The following BCL2L13 variants were observed in gnomAD, a reference collection of about 807,000 sequenced individuals.
The protein encoded by BCL2L13 is BCL2 like 13.
BCL2L13 carries 13 observed loss-of-function variants against 25.8 expected under a neutral mutation model. That is an observed-to-expected ratio of 0.50 (90% CI 0.33 to 0.80). The LOEUF is 0.80. Among genes scored for constraint, BCL2L13 ranks in the 30% least tolerant of loss-of-function variants. BCL2L13 has a pLI of 0.02. For synonymous variants in BCL2L13, 244 were observed against 230.3 expected (o/e 1.06, Z -0.54); for missense variants, 504 against 574.9 (o/e 0.88, Z 1.26).
chr22:17,689,803 A>T (rs912412484), intron 4 of BCL2L13, among the ~76,000 whole-genome samples: 2 of 148,236 alleles, frequency 1.3e-5, no homozygotes, highest in Admixed American at 6.9e-5. Context: ...AGATCCTGCC[A>T]CTGCACTGCA....
chr22:17,652,997 G>T (rs1014981544), intron 1 of BCL2L13, among the ~76,000 whole-genome samples: 1 of 151,982 alleles, frequency 6.6e-6, no homozygotes, highest in African/African-American at 2.4e-5. Flanking sequence ...CCCAGGAGGC[G>T]GAGCTTGCAG....
chr22:17,632,000 G>A (rs1048081554), intron 1 of BCL2L13, among the ~76,000 whole-genome samples: 2 of 151,946 alleles, frequency 1.3e-5, no homozygotes, highest in East Asian at 1.9e-4. Flanking sequence ...GATTACAGGC[G>A]TGAGCCACGG....
At chr22:17,718,775 T>C (rs180683102) in intron 6 of BCL2L13, among the ~76,000 whole-genome samples, 1 of 152,332 alleles carries the variant, frequency 6.6e-6, no homozygotes, top group African/African-American at 2.4e-5. Context: ...TAGGACACCT[T>C]GTTTATCTCC....
intron 2 of BCL2L13, among the ~76,000 whole-genome samples, chr22:17,679,583 T>C (rs1452385752): frequency 1.3e-5 from 2 of 151,900 alleles, no homozygotes; most frequent in Non-Finnish European, 2.9e-5. Context: ...TTGGCTCTTT[T>C]TATCCTAAAT....
chr22:17,691,680 G>C (rs1056406425), intron 4 of BCL2L13, among the ~76,000 whole-genome samples: 1 of 151,954 alleles, frequency 6.6e-6, no homozygotes, highest in Non-Finnish European at 1.5e-5. Context: ...TTCCAAATTT[G>C]ATACAGACTT....
chr22:17,661,135 C>G (rs1359546263), intron 2 of BCL2L13, among the ~76,000 whole-genome samples: 2 of 145,222 alleles, frequency 1.4e-5, no homozygotes, highest in African/African-American at 2.4e-5. Flanking sequence ...TTTTGTCACC[C>G]AGGTTAGAGT....
chr22:17,652,978 T>A (rs2146484338), intron 1 of BCL2L13, among the ~76,000 whole-genome samples: 1 of 151,952 alleles, frequency 6.6e-6, no homozygotes, highest in South Asian at 2.1e-4. Flanking sequence ...GGCAGGAGAA[T>A]GGCGTGAACC....
At chr22:17,646,615 G>A in intron 1 of BCL2L13, among the ~76,000 whole-genome samples, 1 of 149,246 alleles carries the variant, frequency 6.7e-6, no homozygotes, top group Non-Finnish European at 1.5e-5. Flanking sequence ...AAGAACACTT[G>A]TACTAACTTG....
chr22:17,711,023 C>T (rs2060742862), intron 6 of BCL2L13, among the ~76,000 whole-genome samples: 1 of 152,026 alleles, frequency 6.6e-6, no homozygotes, highest in Non-Finnish European at 1.5e-5. Context: ...AAAGAACGTT[C>T]TTCAATCTTT....
At chr22:17,640,721 C>T (rs1373687410) in intron 1 of BCL2L13, among the ~76,000 whole-genome samples, 1 of 150,548 alleles carries the variant, frequency 6.6e-6, no homozygotes, top group Non-Finnish European at 1.5e-5. Context: ...AAAAATTAGC[C>T]AGGCATAGGT....
chr22:17,688,201 C>T (rs2060002169), intron 3 of BCL2L13, among the ~76,000 whole-genome samples: 1 of 152,360 alleles, frequency 6.6e-6, no homozygotes, highest in Admixed American at 6.5e-5. Flanking sequence ...AAACCATCTG[C>T]ACACCTCAGC....
intron 2 of BCL2L13, among the ~76,000 whole-genome samples, chr22:17,664,481 A>G (rs913197652): frequency 6.6e-6 from 1 of 152,136 alleles, no homozygotes; most frequent in Non-Finnish European, 1.5e-5. Context: ...GCACAGTGCA[A>G]GCTGTCAGTG....
At chr22:17,646,800 G>T (rs2058489911) in intron 1 of BCL2L13, among the ~76,000 whole-genome samples, 2 of 132,854 alleles carry the variant, frequency 1.5e-5, no homozygotes, top group South Asian at 5.0e-4. Flanking sequence ...GCTCACTGCA[G>T]CCTCTGCCTC....
chr22:17,690,537 T>C (rs1048027721), intron 4 of BCL2L13, among the ~76,000 whole-genome samples: 18 of 152,102 alleles, frequency 1.2e-4, no homozygotes, highest in Middle Eastern at 3.4e-3. Context: ...GGCGGGAGGA[T>C]TGCTTGAGGC....
chr22:17,699,304 CTG>C (rs2060361715), intron 5 of BCL2L13, among the ~76,000 whole-genome samples: 1 of 152,148 alleles, frequency 6.6e-6, no homozygotes, highest in African/African-American at 2.4e-5. Flanking sequence ...AAATATGTCA[CTG>C]TTATCATAAA....
chr22:17,730,233 T>C lies in BCL2L13; in HGVS notation c.*2699T>C, dbSNP rs932247902. ...CACAGAAATCAGTCAGTACCTGCGGTGTGCCTTAAGGGGACTCTCATGATC... is the reference window on the plus strand; with the variant it reads ...CACAGAAATCAGTCAGTACCTGCGGCGTGCCTTAAGGGGACTCTCATGATC... On this transcript the variant is annotated 3_prime_UTR_variant, in exon 7 of 7. Coordinates refer to ENST00000317582, the MANE Select transcript of BCL2L13 (RefSeq NM_015367.4). 6.6e-6 allele frequency: 1 copy of C among 152,178 alleles called. No individual in the cohort carries two copies. Among genetic ancestry groups the C allele is most frequent in the Non-Finnish European group, 1.5e-5 (1 of 68,040 alleles). 9.4% of individuals were successfully genotyped at this position (152,178 alleles called of 1,614,324 possible). A position where few individuals can be genotyped will look rare whatever the true frequency, so the allele number is the denominator to read the frequency against.
At chr22:17,693,640 A>G (rs1285114844) in intron 4 of BCL2L13, among the ~76,000 whole-genome samples, 2 of 152,082 alleles carry the variant, frequency 1.3e-5, no homozygotes, top group Non-Finnish European at 2.9e-5. Context: ...TCAGCCTCCC[A>G]AAGTGCTGGG....
intron 4 of BCL2L13, 151 bp from the exon 5 acceptor site, chr22:17,695,990 G>T: frequency 1.0e-5 from 5 of 483,160 alleles, no homozygotes; most frequent in East Asian, 7.4e-5. Flanking sequence ...GCATACTAGT[G>T]TGAAAAGCCA....
rs138953193 is a variant in BCL2L13 at position 17,653,992 on chromosome 22, C to A, written c.-50-1670C>A. On this transcript the variant is annotated intron_variant, in intron 1 of 6. Coordinates refer to ENST00000317582, the MANE Select transcript of BCL2L13 (RefSeq NM_015367.4). ...GGTTTCCTATGAAAACTCCTGAGGTCTGGTGATTTATCATGTTTGTCTTCA... is the reference window on the plus strand; with the variant it reads ...GGTTTCCTATGAAAACTCCTGAGGTATGGTGATTTATCATGTTTGTCTTCA... Among the ~76,000 whole-genome samples the A allele has an allele frequency of 1.5e-3, 222 of 152,092 alleles. 1 individual carries two copies. The highest frequency in any genetic ancestry group is 4.9e-3 in the African/African-American group (203 of 41,450).
Sources: gnomAD v4.1 joint callset for allele counts (sites outside exome capture counted in the v4.1 genomes callset) on GRCh38, gnomAD v4.1.1 for gene constraint, MANE v1.5 for transcripts, NCBI Gene and HGNC (gene_info 2026-07-23, HGNC 2026-07-21) for gene names.